Variants in ADD2 observed in about 807,000 individuals in gnomAD.
The protein encoded by ADD2 is beta-adducin.
In ADD2, 23 loss-of-function variants were observed where a neutral mutation model predicts 83.0. The observed-to-expected ratio is 0.28, with a 90% confidence interval of 0.20 to 0.39. ADD2 has a LOEUF of 0.39. Among genes scored for constraint, ADD2 ranks in the 10% least tolerant of loss-of-function variants. The pLI is 1.00. For synonymous variants in ADD2, 375 were observed against 375.4 expected (o/e 1.00, Z 0.01); for missense variants, 758 against 944.9 (o/e 0.80, Z 2.59).
chr2:70,689,479 A>G (rs1392385045), intron 8 of ADD2, among the ~76,000 whole-genome samples: 3 of 152,248 alleles, frequency 2.0e-5, no homozygotes, highest in Non-Finnish European at 4.4e-5. Context: ...AGAGAAACAG[A>G]AAGAGACGAT....
At position 70,678,935 on chromosome 2, in the gene ADD2, G is replaced by T; in HGVS notation, c.1152C>A (p.Arg384=). The change falls in exon 11 of 16, where the codon CGC becomes CGA. Residue 384 remains arginine (R), a synonymous_variant. Transcript: ENST00000264436. ...TGGTTTTCTCTTGAACAAAGGGGTGGCGATACGTGTAACCTGTTCTGTAGC... is the reference window on the plus strand; with the variant it reads ...TGGTTTTCTCTTGAACAAAGGGGTGTCGATACGTGTAACCTGTTCTGTAGC... ...NLGYRTGYTY[R]HPFVQEKTKH... 6.2e-7 allele frequency: 1 copy of T among 1,613,712 alleles called. No homozygotes were observed. The highest frequency in any genetic ancestry group is 8.5e-7 in the Non-Finnish European group (1 of 1,179,830).
intron 1 of ADD2, among the ~76,000 whole-genome samples, chr2:70,762,528 G>A (rs1012500125): frequency 6.6e-5 from 10 of 151,238 alleles, no homozygotes; most frequent in African/African-American, 2.4e-4. Flanking sequence ...TCAGGGCCCT[G>A]AGTAATACAG....
chr2:70,683,297 G>A (rs112228192), intron 10 of ADD2, among the ~76,000 whole-genome samples: 1,971 of 152,178 alleles, frequency 0.013, 36 homozygotes, highest in African/African-American at 0.045. Context: ...AGAGTGCTGG[G>A]ATTAAAGGTG....
At chr2:70,722,935 T>G (rs782262231) in intron 1 of ADD2, among the ~76,000 whole-genome samples, 38 of 152,192 alleles carry the variant, frequency 2.5e-4, no homozygotes, top group Non-Finnish European at 5.3e-4. Context: ...CCCTATATTC[T>G]CTCTACAAGA....
chr2:70,737,690 A>T (rs1017570132), intron 1 of ADD2, among the ~76,000 whole-genome samples: 1 of 152,166 alleles, frequency 6.6e-6, no homozygotes, highest in Non-Finnish European at 1.5e-5. Flanking sequence ...AAACCTGCAC[A>T]TTGTGCACAT....
At chr2:70,689,625 G>A (rs1419261314) in intron 8 of ADD2, among the ~76,000 whole-genome samples, 1 of 152,210 alleles carries the variant, frequency 6.6e-6, no homozygotes, top group Non-Finnish European at 1.5e-5. Context: ...GGAGAGAGAG[G>A]TGGGATACCT....
intron 1 of ADD2, among the ~76,000 whole-genome samples, chr2:70,720,335 G>T (rs578148181): frequency 8.5e-5 from 13 of 152,238 alleles, no homozygotes; most frequent in African/African-American, 3.1e-4. Context: ...AGGGTGGGAG[G>T]TCTAAAGGCT....
chr2:70,757,440 TAAG>T (rs1386711585), intron 1 of ADD2, among the ~76,000 whole-genome samples: 2 of 152,024 alleles, frequency 1.3e-5, no homozygotes, highest in Non-Finnish European at 2.9e-5. Flanking sequence ...TTTTATGAAA[TAAG>T]AGAGAGGAAG....
intron 1 of ADD2, among the ~76,000 whole-genome samples, chr2:70,732,929 A>G (rs1432332642): frequency 6.6e-6 from 1 of 152,132 alleles, no homozygotes; most frequent in African/African-American, 2.4e-5. Context: ...TGGGGGAAAC[A>G]GTGTAGGGTT....
rs1307411436 is a variant in ADD2 at position 70,660,302 on chromosome 2, C to T, written c.*3123G>A. 7 of 152,178 alleles carry T rather than the reference C, an allele frequency of 4.6e-5. No homozygotes were observed. Among genetic ancestry groups the T allele is most frequent in the African/African-American group, 1.7e-4 (7 of 41,448 alleles). The allele number at this position is 152,178 out of a possible 1,614,324, so 9.4% of individuals were successfully genotyped here. On this transcript the variant is annotated 3_prime_UTR_variant, in exon 16 of 16. Coordinates refer to ENST00000264436, the MANE Select transcript of ADD2 (RefSeq NM_001617.4). ...GCTCCCCTCTCCTTGTTGAAAATCC[C>T]TCTTAAGGTGCTTTATCCAAAGACT...
In ADD2 at chr2:70,673,208, G is replaced by A. The variant is rs782497483; in HGVS notation, c.1742-202C>T. On this transcript the variant is annotated intron_variant, in intron 14 of 15. Transcript: ENST00000264436. Reference sequence around the variant, plus strand: ...CCTGGGAAGGCCAATGGGAGAGGGTGGAGTCATGTTTCCTTCATCAAAACA... The same window carrying A: ...CCTGGGAAGGCCAATGGGAGAGGGTAGAGTCATGTTTCCTTCATCAAAACA... 1.2e-5 allele frequency: 20 copies of A among 1,607,394 alleles called. 1 individual carries two copies. In the South Asian group the frequency reaches 1.8e-4, roughly 14 times the overall value.
intron 15 of ADD2, among the ~76,000 whole-genome samples, chr2:70,671,278 C>T (rs911329370): frequency 5.9e-5 from 9 of 152,156 alleles, no homozygotes; most frequent in Non-Finnish European, 1.0e-4. Context: ...GTTGGCCCTA[C>T]TGCCTGCAAA....
intron 4 of ADD2, among the ~76,000 whole-genome samples, chr2:70,703,429 C>T (rs1178141877): frequency 6.6e-6 from 1 of 152,108 alleles, no homozygotes; most frequent in Non-Finnish European, 1.5e-5. Flanking sequence ...CACTCTACCG[C>T]ATTACTGTTG....
intron 14 of ADD2, among the ~76,000 whole-genome samples, chr2:70,673,934 A>G (rs1223268724): frequency 6.6e-6 from 1 of 152,076 alleles, no homozygotes; most frequent in East Asian, 1.9e-4. Context: ...AAGGTGGCTG[A>G]CTTGGGGTGA....
Position 70,754,144 on chromosome 2 carries a change from C to T in ADD2, c.-154+13742G>A, listed in dbSNP as rs1208966826. 2.0e-5 allele frequency among the ~76,000 whole-genome samples: 3 copies of T among 152,130 alleles called. No homozygotes were observed. The East Asian group carries it at 5.8e-4, about 29-fold the overall frequency. Reference sequence around the variant, plus strand: ...TCACAAGAACTGCTAGGAGATCCCTCCTGAGACAAGTGCTTTGGTAAACAA... The same window carrying T: ...TCACAAGAACTGCTAGGAGATCCCTTCTGAGACAAGTGCTTTGGTAAACAA... On this transcript the variant is annotated intron_variant, in intron 1 of 15. Coordinates refer to ENST00000264436, the MANE Select transcript of ADD2 (RefSeq NM_001617.4).
chr2:70,658,853 A>G lies in ADD2; in HGVS notation c.*4572T>C, dbSNP rs1558510961. 1 of 152,208 alleles carries G rather than the reference A, an allele frequency of 6.6e-6. No homozygotes were observed. The highest frequency in any genetic ancestry group is 6.5e-5 in the Admixed American group (1 of 15,276). The allele number at this position is 152,208 out of a possible 1,614,324, so 9.4% of individuals were successfully genotyped here. On this transcript the variant is annotated 3_prime_UTR_variant, in exon 16 of 16. Coordinates refer to ENST00000264436, the MANE Select transcript of ADD2 (RefSeq NM_001617.4). ...TAGAACATAAAATTCACACAAAAGA[A>G]AAAACGTGTCAGCTGGCACAGTGGC...
At chr2:70,679,406 T>C (rs782290341) in intron 10 of ADD2, among the ~76,000 whole-genome samples, 2 of 152,188 alleles carry the variant, frequency 1.3e-5, no homozygotes, top group Non-Finnish European at 2.9e-5. Context: ...TTTAAAAGCT[T>C]CCCAGCTGAT....
intron 5 of ADD2, 29 bp downstream of exon 5, chr2:70,696,216 C>T: frequency 6.2e-7 from 1 of 1,602,300 alleles, no homozygotes; most frequent in African/African-American, 1.3e-5. Context: ...CATGCAGTGC[C>T]CCACCCAATT....
At chr2:70,748,091 G>A (rs1369242102) in intron 1 of ADD2, among the ~76,000 whole-genome samples, 3 of 151,938 alleles carry the variant, frequency 2.0e-5, no homozygotes, top group African/African-American at 4.8e-5. Context: ...ACCAAAAAAA[G>A]AGCTTGTGGT....
Sources: allele counts gnomAD v4.1 joint callset (sites outside exome capture counted in the v4.1 genomes callset), GRCh38; gene constraint gnomAD v4.1.1; transcripts MANE v1.5; gene names NCBI Gene and HGNC (gene_info 2026-07-23, HGNC 2026-07-21).